UMAD1: variants seen among roughly 807,000 people sequenced by gnomAD.
UMAD1 encodes the protein UBAP1-MVB12-associated (UMA) domain containing 1, also known as UBAP1-MVB12-associated (UMA)-domain containing protein 1.
A neutral mutation model predicts 6.1 loss-of-function variants in UMAD1; 8 were observed. That is an observed-to-expected ratio of 1.30 (90% CI 0.76 to 2.35). The LOEUF (loss-of-function observed/expected upper bound fraction) is 2.35. Ranked by LOEUF, UMAD1 falls within the 30% of genes most tolerant of loss-of-function variation. UMAD1 has a pLI of 0.00. For synonymous variants in UMAD1, 56 were observed against 31.4 expected (o/e 1.78, Z -2.61); for missense variants, 130 against 78.4 (o/e 1.66, Z -2.49).
chr7:7,680,869 A>G (rs998906998), intron 2 of UMAD1, among the ~76,000 whole-genome samples: 6 of 151,616 alleles, frequency 4.0e-5, no homozygotes, highest in Admixed American at 3.3e-4. Context: ...TAAAAATGCT[A>G]TTGATTTTTG....
At chr7:7,773,458 C>G (rs534102157) in intron 2 of UMAD1, among the ~76,000 whole-genome samples, 5 of 152,274 alleles carry the variant, frequency 3.3e-5, no homozygotes, top group African/African-American at 1.2e-4. Flanking sequence ...CATACACTTA[C>G]TTTATGCAGC....
At chr7:7,725,331 G>A (rs1163790087) in intron 2 of UMAD1, among the ~76,000 whole-genome samples, 3 of 152,166 alleles carry the variant, frequency 2.0e-5, no homozygotes, top group African/African-American at 7.2e-5. Flanking sequence ...ACAGGTCCAG[G>A]CTGCTGTGTA....
chr7:7,697,035 A>G (rs1780337111), intron 2 of UMAD1, among the ~76,000 whole-genome samples: 1 of 152,190 alleles, frequency 6.6e-6, no homozygotes, highest in Admixed American at 6.6e-5. Context: ...CTGTCTTAGT[A>G]CACATGCCAA....
chr7:7,715,303 A>G (rs551885232), intron 2 of UMAD1: 1 of 151,612 alleles, frequency 6.6e-6, no homozygotes, highest in Non-Finnish European at 1.5e-5. Context: ...TTCATCAATG[A>G]TCTTGGTGAA....
At chr7:7,763,486 C>G (rs944357683) in intron 2 of UMAD1, among the ~76,000 whole-genome samples, 4 of 152,154 alleles carry the variant, frequency 2.6e-5, no homozygotes, top group African/African-American at 9.7e-5. Flanking sequence ...CAATGTTTAG[C>G]TCTCATTTAT....
intron 2 of UMAD1, among the ~76,000 whole-genome samples, chr7:7,700,127 A>G (rs1362487681): frequency 3.9e-5 from 6 of 152,136 alleles, no homozygotes; most frequent in Admixed American, 3.9e-4. Context: ...ATAGAAATGT[A>G]TTTCTCAGAG....
At chr7:7,812,780 T>C (rs1397951595) in intron 3 of UMAD1, among the ~76,000 whole-genome samples, 1 of 150,138 alleles carries the variant, frequency 6.7e-6, no homozygotes, top group Non-Finnish European at 1.5e-5. Context: ...AGAACAACTG[T>C]TCCCTATTTC....
At chr7:7,746,744 C>T (rs115243012) in intron 2 of UMAD1, among the ~76,000 whole-genome samples, 2,043 of 152,356 alleles carry the variant, frequency 0.013, 17 homozygotes, top group Middle Eastern at 0.058. Flanking sequence ...AATGCCCTGT[C>T]CCTCAGATGT....
chr7:7,771,540 C>G (rs908026146), intron 2 of UMAD1, among the ~76,000 whole-genome samples: 45 of 152,272 alleles, frequency 3.0e-4, no homozygotes, highest in African/African-American at 1.1e-3. Context: ...TGGGGGTTCA[C>G]AGATCTGAAC....
chr7:7,697,955 T>A (rs187821068), intron 2 of UMAD1, among the ~76,000 whole-genome samples: 1 of 152,178 alleles, frequency 6.6e-6, no homozygotes, highest in Non-Finnish European at 1.5e-5. Context: ...ATAAAAACTT[T>A]GGGGAGTTGC....
chr7:7,796,780 G>A (rs933960646), intron 2 of UMAD1, among the ~76,000 whole-genome samples: 1 of 151,942 alleles, frequency 6.6e-6, no homozygotes, highest in Non-Finnish European at 1.5e-5. Context: ...AGAGAATACC[G>A]TTTCTTCATC....
chr7:7,659,523 T>A (rs1341761273), intron 1 of UMAD1, among the ~76,000 whole-genome samples: 1 of 152,240 alleles, frequency 6.6e-6, no homozygotes, highest in Admixed American at 6.5e-5. Context: ...CTCATTGGTT[T>A]CAAAGAACAT....
chr7:7,691,985 A>T (rs1780183383), intron 2 of UMAD1, among the ~76,000 whole-genome samples: 1 of 152,250 alleles, frequency 6.6e-6, no homozygotes, highest in African/African-American at 2.4e-5. Flanking sequence ...TGACAGTTTA[A>T]TGCTAGAAAC....
chr7:7,778,231 T>TGC (rs1280553403), intron 2 of UMAD1, among the ~76,000 whole-genome samples: 2 of 32,222 alleles, frequency 6.2e-5, no homozygotes, highest in Non-Finnish European at 1.3e-4. Context: ...TGGTTTTGTG[T>TGC]GTGTGTGTGT....
chr7:7,870,926 T>A (rs938471073), intron 3 of UMAD1, among the ~76,000 whole-genome samples: 9 of 152,260 alleles, frequency 5.9e-5, no homozygotes, highest in African/African-American at 2.2e-4. Context: ...CCCATCGTAT[T>A]GTTAAACTAA....
chr7:7,665,249 G>A (rs983675988), intron 1 of UMAD1, among the ~76,000 whole-genome samples: 15 of 152,138 alleles, frequency 9.9e-5, no homozygotes, highest in Non-Finnish European at 1.6e-4. Context: ...ATATATTCTA[G>A]TGCTCTCCTA....
At chr7:7,771,466 G>T (rs1782100225) in intron 2 of UMAD1, among the ~76,000 whole-genome samples, 1 of 152,186 alleles carries the variant, frequency 6.6e-6, no homozygotes, top group Non-Finnish European at 1.5e-5. Context: ...TGATTGAGGT[G>T]ATTTTGATTG....
intron 2 of UMAD1, among the ~76,000 whole-genome samples, chr7:7,728,569 G>A (rs1781188419): frequency 6.6e-6 from 1 of 151,846 alleles, no homozygotes; most frequent in Admixed American, 6.6e-5. Context: ...ACTTGAACCC[G>A]GGAGGCGGAG....
At chr7:7,662,247 C>A (rs1327769501) in intron 1 of UMAD1, among the ~76,000 whole-genome samples, 4 of 152,140 alleles carry the variant, frequency 2.6e-5, no homozygotes, top group Non-Finnish European at 1.5e-5. Context: ...TTGCTGAGCT[C>A]CATGGGGTTG....
Sources: allele counts gnomAD v4.1 joint callset (sites outside exome capture counted in the v4.1 genomes callset), GRCh38; gene constraint gnomAD v4.1.1; transcripts MANE v1.5; gene names NCBI Gene and HGNC (gene_info 2026-07-23, HGNC 2026-07-21).